The following KLHL7 variants were observed in gnomAD, a reference collection of about 807,000 sequenced individuals.
KLHL7 encodes kelch-like protein 7.
KLHL7 carries 44 observed loss-of-function variants against 67.4 expected under a neutral mutation model. The observed-to-expected ratio is 0.65, with a 90% confidence interval of 0.51 to 0.84. The LOEUF (loss-of-function observed/expected upper bound fraction) is 0.84, where lower values mean the gene tolerates loss of function less well. KLHL7 is among the 40% of genes least tolerant of loss of function. The pLI is 0.00. For synonymous variants in KLHL7, 252 were observed against 243.3 expected, an observed-to-expected ratio of 1.04 and a Z score of -0.33; for missense variants, 362 against 718.1, an observed-to-expected ratio of 0.50 and a Z score of 5.67.
chr7:23,126,756 A>G (rs1373313883), intron 4 of KLHL7, among the ~76,000 whole-genome samples: 1 of 152,214 alleles, frequency 6.6e-6, no homozygotes, highest in Non-Finnish European at 1.5e-5. Context: ...TTCAGGAGGA[A>G]GTAAAAGTCA....
chr7:23,128,136 A>AAG (rs1554286948), intron 4 of KLHL7, among the ~76,000 whole-genome samples: 3 of 48,976 alleles, frequency 6.1e-5, no homozygotes, highest in African/African-American at 6.0e-4. Flanking sequence ...CTGTCTCAAG[A>AAG]AAAAAAAAAA....
At position 23,175,989 on chromosome 7, in the gene KLHL7, A is replaced by G. The variant is rs1006601306; in HGVS notation, c.*1691A>G. The G allele has an allele frequency of 7.4e-4, 111 of 150,346 alleles. 1 individual carries two copies. Among genetic ancestry groups the G allele is most frequent in the African/African-American group, 2.7e-3 (109 of 40,398 alleles). 9.3% of individuals were successfully genotyped at this position (150,346 alleles called of 1,614,324 possible). On this transcript the variant is annotated 3_prime_UTR_variant, in exon 11 of 11. Transcript: ENST00000339077. Reference sequence around the variant, plus strand: ...AAAAAAAAAAAAAAATGTATTATTCAGTGGTTTTTAATATATCCACAGAGT... The same window carrying G: ...AAAAAAAAAAAAAAATGTATTATTCGGTGGTTTTTAATATATCCACAGAGT...
At chr7:23,171,226 C>A in intron 9 of KLHL7, 1 of 300,374 alleles carries the variant, frequency 3.3e-6, no homozygotes, top group East Asian at 1.2e-4. Context: ...TTGCAGATAG[C>A]GGGGACCTAG....
chr7:23,140,382 G>A (rs544784150), intron 4 of KLHL7, among the ~76,000 whole-genome samples: 2 of 152,160 alleles, frequency 1.3e-5, no homozygotes, highest in African/African-American at 4.8e-5. Context: ...GTGAAACCCC[G>A]TCTCTACTAA....
At chr7:23,121,746 G>C (rs537201582) in intron 1 of KLHL7, among the ~76,000 whole-genome samples, 2 of 146,958 alleles carry the variant, frequency 1.4e-5, no homozygotes, top group South Asian at 2.2e-4. Context: ...GCAGTGGCTC[G>C]ATCTCAGCTC....
intron 4 of KLHL7, among the ~76,000 whole-genome samples, chr7:23,134,199 T>A (rs1374588808): frequency 6.6e-6 from 1 of 152,250 alleles, no homozygotes; most frequent in African/African-American, 2.4e-5. Context: ...CAGCATTGAC[T>A]GAAATTTTCT....
intron 6 of KLHL7, among the ~76,000 whole-genome samples, chr7:23,144,983 A>G (rs1017803068): frequency 2.0e-5 from 3 of 151,382 alleles, no homozygotes; most frequent in Non-Finnish European, 4.4e-5. Context: ...CTGTGGTCCC[A>G]ACTACTCCAG....
intron 4 of KLHL7, among the ~76,000 whole-genome samples, chr7:23,130,500 A>G (rs1783759214): frequency 6.6e-6 from 1 of 152,214 alleles, no homozygotes; most frequent in African/African-American, 2.4e-5. Context: ...ACAATTATCA[A>G]TTAGCATATG....
intron 4 of KLHL7, among the ~76,000 whole-genome samples, chr7:23,128,722 C>G (rs1399940235): frequency 2.0e-5 from 3 of 152,100 alleles, no homozygotes; most frequent in Non-Finnish European, 2.9e-5. Context: ...AAAAGAAACT[C>G]CCACACCCAC....
chr7:23,140,371 G>A (rs1007617010), intron 4 of KLHL7, among the ~76,000 whole-genome samples: 1 of 152,084 alleles, frequency 6.6e-6, no homozygotes, highest in Non-Finnish European at 1.5e-5. Context: ...TGGCTAACAC[G>A]GTGAAACCCC....
chr7:23,122,156 A>G (rs1035232873), intron 1 of KLHL7, among the ~76,000 whole-genome samples: 4 of 152,016 alleles, frequency 2.6e-5, no homozygotes, highest in Admixed American at 2.0e-4. Flanking sequence ...ACATTTCTTC[A>G]ACCTCCTTCA....
intron 4 of KLHL7, among the ~76,000 whole-genome samples, chr7:23,125,550 G>A (rs1245011439): frequency 1.3e-5 from 2 of 152,124 alleles, no homozygotes; most frequent in Non-Finnish European, 2.9e-5. Flanking sequence ...TAGGTAACTT[G>A]CCAGAGGTCA....
At chr7:23,106,545 CA>C (rs1782648543) in intron 1 of KLHL7, 1 of 1,068,066 alleles carries the variant, frequency 9.4e-7, no homozygotes, top group Admixed American at 4.8e-5. Flanking sequence ...CCGAAGCCCC[CA>C]AAGGGAGGAG....
chr7:23,175,999 A>C lies in KLHL7; in HGVS notation c.*1701A>C, dbSNP rs1785288994. 1 of 150,672 alleles carries C rather than the reference A, an allele frequency of 6.6e-6. No homozygotes were observed. Among genetic ancestry groups the C allele is most frequent in the African/African-American group, 2.5e-5 (1 of 40,516 alleles). The allele number at this position is 150,672 out of a possible 1,614,324, so 9.3% of individuals were successfully genotyped here. On this transcript the variant is annotated 3_prime_UTR_variant, in exon 11 of 11. Transcript: ENST00000339077. ...AAAAATGTATTATTCAGTGGTTTTT[A>C]ATATATCCACAGAGTTACGCAACCA...
intron 4 of KLHL7, among the ~76,000 whole-genome samples, chr7:23,137,565 G>A (rs1401280612): frequency 6.8e-6 from 1 of 147,442 alleles, no homozygotes; most frequent in East Asian, 2.1e-4. Flanking sequence ...TGCAACCTCC[G>A]CCTCCCAGGC....
chr7:23,138,684 C>T (rs145669713), intron 4 of KLHL7, among the ~76,000 whole-genome samples: 290 of 151,674 alleles, frequency 1.9e-3, no homozygotes, highest in African/African-American at 6.6e-3. Flanking sequence ...ATTATAGATG[C>T]GCGCCACCAC....
intron 7 of KLHL7, among the ~76,000 whole-genome samples, chr7:23,158,123 C>A (rs1784761179): frequency 6.6e-6 from 1 of 152,142 alleles, no homozygotes; most frequent in South Asian, 2.1e-4. Flanking sequence ...TGCCACCACA[C>A]CCCACTAATT....
chr7:23,129,229 G>A (rs1022600853), intron 4 of KLHL7: 9 of 222,424 alleles, frequency 4.0e-5, no homozygotes, highest in South Asian at 1.2e-4. Flanking sequence ...CCCAGACCTG[G>A]GCTTAGGCAA....
At chr7:23,164,134 T>A (rs1784929125) in intron 7 of KLHL7, among the ~76,000 whole-genome samples, 1 of 151,580 alleles carries the variant, frequency 6.6e-6, no homozygotes, top group Admixed American at 6.6e-5. Flanking sequence ...CTGACAAGAC[T>A]GACTTCCCAT....
Sources: gnomAD v4.1 joint callset for allele counts (sites outside exome capture counted in the v4.1 genomes callset) on GRCh38, gnomAD v4.1.1 for gene constraint, MANE v1.5 for transcripts, NCBI Gene and HGNC (gene_info 2026-07-23, HGNC 2026-07-21) for gene names.